The following HECW1 variants were observed in gnomAD, a reference collection of about 807,000 sequenced individuals.
HECW1 encodes the protein HECT, C2 and WW domain containing E3 ubiquitin protein ligase 1.
A neutral mutation model predicts 182.3 loss-of-function variants in HECW1; 61 were observed. The ratio of observed to expected loss-of-function variants is 0.33; its 90% confidence interval spans 0.27 to 0.41. HECW1 has a LOEUF of 0.41. Ranked by LOEUF, HECW1 falls within the 10% of genes least tolerant of loss-of-function variation. HECW1 has a pLI of 1.00. For missense variants in HECW1, 1,739 were observed against 2,108.9 expected, an observed-to-expected ratio of 0.82 and a Z score of 3.44; for synonymous variants, 859 against 832.6, an observed-to-expected ratio of 1.03 and a Z score of -0.55.
chr7:43,500,785 A>G lies in HECW1; in HGVS notation c.3521+3A>G. 6.2e-7 allele frequency: 1 copy of G among 1,612,298 alleles called. No homozygotes were observed. Among genetic ancestry groups the G allele is most frequent in the Non-Finnish European group, 8.5e-7 (1 of 1,178,410 alleles). On this transcript the variant is annotated splice_donor_region_variant and intron_variant, in intron 20 of 29. Transcript: ENST00000395891. ...GCGGATCTGGTCATTTTGCTGAGGT[A>G]GGGGGCTAGGCCTGAAATCCTTCTG...
intron 2 of HECW1, among the ~76,000 whole-genome samples, chr7:43,180,464 C>T (rs995978234): frequency 3.3e-5 from 5 of 151,978 alleles, no homozygotes; most frequent in Admixed American, 1.3e-4. Flanking sequence ...GGTGCGATCT[C>T]GGCTCACTGC....
chr7:43,269,545 G>A (rs1377212287), intron 3 of HECW1, among the ~76,000 whole-genome samples: 1 of 152,212 alleles, frequency 6.6e-6, no homozygotes, highest in African/African-American at 2.4e-5. Context: ...TAGGAAGACA[G>A]TTTCAATATA....
At chr7:43,474,602 AAGG>A (rs2078151578) in intron 16 of HECW1, among the ~76,000 whole-genome samples, 1 of 152,182 alleles carries the variant, frequency 6.6e-6, no homozygotes, top group African/African-American at 2.4e-5. Flanking sequence ...GGAGAAATGA[AAGG>A]AGATGAAAGA....
chr7:43,411,205 G>A lies in HECW1; in HGVS notation c.801+3474G>A, dbSNP rs775684488. On this transcript the variant is annotated intron_variant, in intron 8 of 29. Coordinates refer to ENST00000395891, the MANE Select transcript of HECW1 (RefSeq NM_015052.5). Reference sequence around the variant, plus strand: ...TAATTTATACTTTTATTATCATTCCGTCAAAAATATTTCTTCATATTCCTT... The same window carrying A: ...TAATTTATACTTTTATTATCATTCCATCAAAAATATTTCTTCATATTCCTT... 1.1e-4 allele frequency among the ~76,000 whole-genome samples: 17 copies of A among 151,714 alleles called. No individual in the cohort carries two copies. The South Asian group carries it at 1.7e-3, about 15-fold the overall frequency.
chr7:43,550,658 C>T (rs890868992), intron 27 of HECW1, 67 bp downstream of exon 27: 1 of 1,473,278 alleles, frequency 6.8e-7, no homozygotes, highest in South Asian at 1.2e-5. Context: ...CCTCATCCTC[C>T]AGGCTCCCTG....
intron 21 of HECW1, among the ~76,000 whole-genome samples, chr7:43,501,657 C>T (rs2079365598): frequency 6.6e-6 from 1 of 151,794 alleles, no homozygotes; most frequent in Admixed American, 6.6e-5. Context: ...TAGCGAGCTC[C>T]CCTTCTCTAC....
chr7:43,332,262 A>C (rs1811595494), intron 5 of HECW1, among the ~76,000 whole-genome samples: 1 of 152,212 alleles, frequency 6.6e-6, no homozygotes, highest in African/African-American at 2.4e-5. Context: ...ATACAAAATG[A>C]ATCTCTTTTG....
chr7:43,378,479 G>T (rs2074412496), intron 6 of HECW1, among the ~76,000 whole-genome samples: 1 of 152,222 alleles, frequency 6.6e-6, no homozygotes, highest in Non-Finnish European at 1.5e-5. Context: ...GCATTGTCCT[G>T]TCAGACATCC....
In HECW1 at chr7:43,554,388, A is replaced by ATTTTC. The variant is rs368943670; in HGVS notation, c.4511-202_4511-198dup. 3.2e-3 allele frequency among the ~76,000 whole-genome samples: 485 copies of ATTTTC among 152,326 alleles called. 1 individual carries two copies. Among genetic ancestry groups the ATTTTC allele is most frequent in the African/African-American group, 0.011 (452 of 41,578 alleles). On this transcript the variant is annotated intron_variant, in intron 28 of 29. Coordinates refer to ENST00000395891, the MANE Select transcript of HECW1 (RefSeq NM_015052.5). Reference sequence around the variant, plus strand: ...CATAAAGTCCTTTTATAAAATGACTATTTTCTAAATCTGCTCTTGTTCTAA... The same window carrying ATTTTC: ...CATAAAGTCCTTTTATAAAATGACTATTTTCTTTTCTAAATCTGCTCTTGTTCTAA...
intron 2 of HECW1, among the ~76,000 whole-genome samples, chr7:43,170,187 A>T (rs989983751): frequency 6.6e-6 from 1 of 152,126 alleles, no homozygotes; most frequent in African/African-American, 2.4e-5. Context: ...CATGCAAGGG[A>T]TCTAGGTTGT....
chr7:43,488,469 AAAGAAAGAAAGAAAG>A (rs1315816433), intron 17 of HECW1, among the ~76,000 whole-genome samples: 21 of 147,664 alleles, frequency 1.4e-4, no homozygotes, highest in African/African-American at 5.4e-4. Context: ...AGAAAGAAAG[AAAGAAAGAAAGAAAG>A]AAAGAGAAAG....
intron 27 of HECW1, among the ~76,000 whole-genome samples, chr7:43,551,049 G>C (rs2081805459): frequency 6.6e-6 from 1 of 152,174 alleles, no homozygotes; most frequent in Non-Finnish European, 1.5e-5. Context: ...AGGAAGACAG[G>C]GAGGGCCGCT....
At chr7:43,333,467 G>T (rs1365387405) in intron 5 of HECW1, among the ~76,000 whole-genome samples, 1 of 152,170 alleles carries the variant, frequency 6.6e-6, no homozygotes, top group African/African-American at 2.4e-5. Context: ...ATTTATAAAA[G>T]TATTACTTAT....
chr7:43,311,180 G>C (rs926639927), intron 3 of HECW1, among the ~76,000 whole-genome samples: 1 of 152,180 alleles, frequency 6.6e-6, no homozygotes, highest in African/African-American at 2.4e-5. Context: ...TATTCAAAGA[G>C]TACTAGGATG....
rs1563012059 is a variant in HECW1 at position 43,463,757 on chromosome 7, G to A, written c.2749G>A (p.Gly917Arg). The A allele has an allele frequency of 2.5e-6, 4 of 1,614,080 alleles. No individual in the cohort carries two copies. Among genetic ancestry groups the A allele is most frequent in the Non-Finnish European group, 3.4e-6 (4 of 1,180,008 alleles). Residue 917 changes from glycine (G) to arginine (R), a missense_variant, in exon 14 of 30, where the codon GGA becomes AGA. By Grantham distance (125) the Gly-to-Arg change is moderately radical. Around this residue, in one of 5 missense-constraint regions of HECW1, gnomAD observed 971 missense variants for 1,029.1 expected, o/e 0.94. Coordinates refer to ENST00000395891, the MANE Select transcript of HECW1 (RefSeq NM_015052.5). Reference protein sequence around the residue: ...EQAPAGGGGGGGSDSEAESSQ... With the variant: ...EQAPAGGGGGRGSDSEAESSQ... ...AGCCCCAGCAGGAGGAGGCGGAGGT[G>A]GAGGGAGTGACTCAGAAGCCGAATC...
At chr7:43,329,825 G>C (rs1020266348) in intron 5 of HECW1, among the ~76,000 whole-genome samples, 5 of 152,160 alleles carry the variant, frequency 3.3e-5, no homozygotes, top group Admixed American at 3.3e-4. Flanking sequence ...GTGTAAAGTA[G>C]TGTTTCTCAA....
intron 7 of HECW1, among the ~76,000 whole-genome samples, chr7:43,404,550 T>G (rs2075538752): frequency 6.6e-6 from 1 of 152,226 alleles, no homozygotes; most frequent in Admixed American, 6.5e-5. Context: ...GATGAAGACA[T>G]GTTGGTGCAG....
chr7:43,198,742 T>C (rs192576752), intron 2 of HECW1, among the ~76,000 whole-genome samples: 343 of 148,864 alleles, frequency 2.3e-3, no homozygotes, highest in African/African-American at 8.1e-3. Context: ...CACCCCACAC[T>C]CTCACACACT....
chr7:43,267,552 G>A (rs1179960677), intron 3 of HECW1, among the ~76,000 whole-genome samples: 2 of 151,676 alleles, frequency 1.3e-5, no homozygotes, highest in African/African-American at 4.8e-5. Context: ...AAAACCCTCA[G>A]CCAAAGAAAC....
Sources: allele counts gnomAD v4.1 joint callset (sites outside exome capture counted in the v4.1 genomes callset), GRCh38; gene constraint gnomAD v4.1.1; regional missense constraint gnomAD v4.1.1; transcripts MANE v1.5; gene names NCBI Gene and HGNC (gene_info 2026-07-23, HGNC 2026-07-21).